The following KIF16B variants were observed in gnomAD, a reference collection of about 807,000 sequenced individuals.
KIF16B encodes kinesin-like protein KIF16B.
A neutral mutation model predicts 156.3 loss-of-function variants in KIF16B; 98 were observed. The ratio of observed to expected loss-of-function variants is 0.63; its 90% CI spans 0.53 to 0.74. The LOEUF is 0.74. KIF16B is among the 30% of genes least tolerant of loss of function. The pLI, the probability that KIF16B is intolerant of heterozygous loss-of-function variation, is 0.00. For missense variants in KIF16B, 1,421 were observed against 1,606.5 expected (o/e 0.88, Z 1.97); for synonymous variants, 564 against 583.7 (o/e 0.97, Z 0.49).
At chr20:16,375,949 T>C (rs2064940557) in intron 19 of KIF16B, among the ~76,000 whole-genome samples, 1 of 152,130 alleles carries the variant, frequency 6.6e-6, no homozygotes, top group Admixed American at 6.6e-5. Context: ...AGATGGGTGA[T>C]GAGATTGAGA....
At chr20:16,473,059 T>C (rs760957422) in intron 12 of KIF16B, among the ~76,000 whole-genome samples, 5 of 152,180 alleles carry the variant, frequency 3.3e-5, no homozygotes, top group Non-Finnish European at 5.9e-5. Flanking sequence ...AAAGACCAAA[T>C]GGTAACCTAC....
intron 24 of KIF16B, among the ~76,000 whole-genome samples, chr20:16,313,177 T>C (rs2063646892): frequency 6.6e-6 from 1 of 152,244 alleles, no homozygotes; most frequent in Admixed American, 6.5e-5. Context: ...AAATGCTAAG[T>C]AGCAATAATT....
intron 15 of KIF16B, among the ~76,000 whole-genome samples, chr20:16,423,681 C>A (rs1486990506): frequency 6.6e-6 from 1 of 152,066 alleles, no homozygotes; most frequent in Non-Finnish European, 1.5e-5. Context: ...GTGTACGTTC[C>A]TCTCTCCCTG....
At chr20:16,489,804 G>A (rs2068232212) in intron 12 of KIF16B, among the ~76,000 whole-genome samples, 1 of 151,944 alleles carries the variant, frequency 6.6e-6, no homozygotes, top group Admixed American at 6.5e-5. Flanking sequence ...TGGGCTTGAG[G>A]GCCTGCGTTT....
intron 1 of KIF16B, among the ~76,000 whole-genome samples, chr20:16,534,775 T>C (rs1217946294): frequency 6.6e-6 from 1 of 152,192 alleles, no homozygotes; most frequent in Non-Finnish European, 1.5e-5. Context: ...CCAATGTACG[T>C]TCTTGGTGGC....
At chr20:16,319,692 G>T (rs1304756524) in intron 24 of KIF16B, among the ~76,000 whole-genome samples, 1 of 152,148 alleles carries the variant, frequency 6.6e-6, no homozygotes, top group Non-Finnish European at 1.5e-5. Context: ...AAATCTCTGA[G>T]GGGGGCCAGT....
At chr20:16,297,635 G>T (rs1312207213) in intron 25 of KIF16B, among the ~76,000 whole-genome samples, 2 of 150,340 alleles carry the variant, frequency 1.3e-5, no homozygotes, top group African/African-American at 4.9e-5. Context: ...GGCGGAGCTT[G>T]CAGTGAGCCT....
At chr20:16,521,223 A>C (rs978853557) in intron 3 of KIF16B, among the ~76,000 whole-genome samples, 1 of 152,106 alleles carries the variant, frequency 6.6e-6, no homozygotes, top group African/African-American at 2.4e-5. Flanking sequence ...AACTCCTCTG[A>C]GCTAAAGGAG....
intron 11 of KIF16B, among the ~76,000 whole-genome samples, chr20:16,497,214 G>A (rs1600545623): frequency 1.3e-5 from 2 of 152,264 alleles, no homozygotes; most frequent in Admixed American, 1.3e-4. Flanking sequence ...TTCCTCAAGT[G>A]CCACTCTTCC....
At chr20:16,332,321 T>G (rs528667389) in intron 24 of KIF16B, among the ~76,000 whole-genome samples, 1 of 152,272 alleles carries the variant, frequency 6.6e-6, no homozygotes, top group South Asian at 2.1e-4. Context: ...CCACATGAGA[T>G]GCACAGCACA....
intron 12 of KIF16B, among the ~76,000 whole-genome samples, chr20:16,444,666 T>C (rs1362589453): frequency 6.6e-6 from 1 of 152,242 alleles, no homozygotes; most frequent in Non-Finnish European, 1.5e-5. Flanking sequence ...TTCATAGTTT[T>C]ACACAGTTAC....
chr20:16,482,182 T>A (rs1040290154), intron 12 of KIF16B, among the ~76,000 whole-genome samples: 1 of 152,152 alleles, frequency 6.6e-6, no homozygotes, highest in South Asian at 2.1e-4. Context: ...TAGATGCCCA[T>A]TTGCTAATTA....
intron 12 of KIF16B, among the ~76,000 whole-genome samples, chr20:16,489,210 C>A (rs917886496): frequency 2.6e-5 from 4 of 152,088 alleles, no homozygotes; most frequent in African/African-American, 9.7e-5. Flanking sequence ...GCTGCAGGAG[C>A]TGGGGCCTTG....
intron 24 of KIF16B, among the ~76,000 whole-genome samples, chr20:16,331,448 T>C (rs922079978): frequency 1.3e-5 from 2 of 152,238 alleles, no homozygotes; most frequent in Non-Finnish European, 2.9e-5. Context: ...GAAGAGTCTA[T>C]CTTGGCAAGC....
At chr20:16,290,419 C>T (rs994934637) in intron 25 of KIF16B, among the ~76,000 whole-genome samples, 1 of 152,166 alleles carries the variant, frequency 6.6e-6, no homozygotes, top group African/African-American at 2.4e-5. Context: ...AGTTTGTGTA[C>T]TGAGGGCAAA....
chr20:16,378,731 C>A, intron 19 of KIF16B, 74 bp downstream of exon 19: 6 of 1,342,918 alleles, frequency 4.5e-6, no homozygotes, highest in Non-Finnish European at 6.1e-6. Context: ...AAAGGATAAA[C>A]ACAACATGAG....
At position 16,411,338 on chromosome 20, in the gene KIF16B, G is replaced by A. The variant is rs1020784684; in HGVS notation, c.1613-4882C>T. The stretch of plus-strand genomic sequence containing the variant: ...CATTTATGTGTATTTATTACTTTGA[G>A]CATAGAACTTAGCCTTCTGTTTCTT... On this transcript the variant is annotated intron_variant, in intron 15 of 25. Transcript: ENST00000354981. Among the ~76,000 whole-genome samples the A allele has an allele frequency of 8.6e-5, 13 of 152,010 alleles. No homozygotes were observed. The East Asian group carries it at 1.2e-3, about 14-fold the overall frequency.
intron 24 of KIF16B, among the ~76,000 whole-genome samples, chr20:16,325,149 C>A (rs887495321): frequency 2.6e-5 from 4 of 151,842 alleles, no homozygotes; most frequent in Non-Finnish European, 5.9e-5. Flanking sequence ...AAGGGACACA[C>A]CTTAAGTTAG....
chr20:16,273,628 C>T (rs186211283), intron 25 of KIF16B, among the ~76,000 whole-genome samples: 2 of 152,004 alleles, frequency 1.3e-5, no homozygotes, highest in Admixed American at 6.5e-5. Flanking sequence ...GGTGCCACTG[C>T]ACTCCTGCCT....
Sources: gnomAD v4.1 joint callset for allele counts (sites outside exome capture counted in the v4.1 genomes callset) on GRCh38, gnomAD v4.1.1 for gene constraint, MANE v1.5 for transcripts, NCBI Gene and HGNC (gene_info 2026-07-23, HGNC 2026-07-21) for gene names.